CNTRL: variants seen among roughly 807,000 people sequenced by gnomAD.
CNTRL encodes centriolin.
Under a neutral mutation model 303.7 loss-of-function variants are expected in CNTRL, and 233 were observed. The ratio of observed to expected loss-of-function variants is 0.77; its 90% CI spans 0.69 to 0.86. CNTRL has a LOEUF of 0.86. CNTRL is among the 40% of genes least tolerant of loss of function. The probability of loss-of-function intolerance (pLI) is 0.00; values close to 1 mark genes in which losing one functional copy is unlikely to be tolerated. For synonymous variants in CNTRL, 900 were observed against 922.2 expected (o/e 0.98, Z 0.44); for missense variants, 2,524 against 2,650.6 (o/e 0.95, Z 1.05).
At position 121,090,546 on chromosome 9, in the gene CNTRL, A is replaced by G. The variant is rs2048522483; in HGVS notation, c.348+141A>G. The G allele has an allele frequency of 6.7e-6, 5 of 749,468 alleles. No individual in the cohort carries two copies. The South Asian group carries it at 1.0e-4, about 15-fold the overall frequency. The allele number at this position is 749,468 out of a possible 1,614,324, so 46.4% of individuals were successfully genotyped here. A position where few individuals can be genotyped will look rare whatever the true frequency, so the allele number is the denominator to read the frequency against. On this transcript the variant is annotated intron_variant, in intron 4 of 43. Transcript: ENST00000373855. ...CCAGTGAATGTTCTAAATCAGAAGTATATGACATTTCCAAATTAATAAGTT... is the reference window on the plus strand; with the variant it reads ...CCAGTGAATGTTCTAAATCAGAAGTGTATGACATTTCCAAATTAATAAGTT...
At position 121,092,446 on chromosome 9, in the gene CNTRL, A is replaced by AGATAATATATATCTATATAT. The variant is rs71370626; in HGVS notation, c.348+2041_348+2042insGATAATATATATCTATATAT. Among the ~76,000 whole-genome samples, 109 of 111,646 alleles carry AGATAATATATATCTATATAT rather than the reference A, an allele frequency of 9.8e-4. 27 individuals are homozygous for AGATAATATATATCTATATAT. The highest frequency in any genetic ancestry group is 1.4e-3 in the Non-Finnish European group (75 of 53,200). The allele number at this position is 111,646 out of a possible 152,430, so 73.2% of individuals were successfully genotyped here. On this transcript the variant is annotated intron_variant, in intron 4 of 43. Coordinates refer to ENST00000373855, the MANE Select transcript of CNTRL (RefSeq NM_007018.6). ...GTGAGATATAGATAGATAGATAGAT[A>AGATAATATATATCTATATAT]ATATATATCTATATATATATAATAT...
intron 5 of CNTRL, among the ~76,000 whole-genome samples, chr9:121,095,978 A>T (rs1226467158): frequency 6.6e-6 from 1 of 152,230 alleles, no homozygotes; most frequent in East Asian, 1.9e-4. Flanking sequence ...AGTATCATCT[A>T]TGGGCTCCCA....
chr9:121,117,465 C>T (rs533190975), intron 11 of CNTRL, among the ~76,000 whole-genome samples: 22 of 152,218 alleles, frequency 1.4e-4, no homozygotes, highest in African/African-American at 5.3e-4. Context: ...ACTTCTATGT[C>T]AATACTCAAT....
At chr9:121,145,977 C>A in intron 22 of CNTRL, 131 bp from the exon 23 acceptor site, 3 of 743,246 alleles carry the variant, frequency 4.0e-6, no homozygotes, top group Non-Finnish European at 6.3e-6. Flanking sequence ...TTTTGACTTA[C>A]CAAAGGGCAG....
At chr9:121,126,061 TTTTTC>T in intron 14 of CNTRL, 125 bp downstream of exon 14, 1 of 720,514 alleles carries the variant, frequency 1.4e-6, no homozygotes, top group South Asian at 1.9e-5. Flanking sequence ...TATGGTGATT[TTTTTC>T]TTTTAACAGT....
At chr9:121,133,107 T>A (rs1160149125) in intron 14 of CNTRL, among the ~76,000 whole-genome samples, 3 of 152,212 alleles carry the variant, frequency 2.0e-5, no homozygotes, top group African/African-American at 4.8e-5. Context: ...GGGACCCACT[T>A]GAGGAGGCAG....
At chr9:121,105,909 A>G (rs2049445091) in intron 7 of CNTRL, among the ~76,000 whole-genome samples, 1 of 152,142 alleles carries the variant, frequency 6.6e-6, no homozygotes, top group African/African-American at 2.4e-5. Flanking sequence ...TACTTAATAA[A>G]TCATTTTTTT....
chr9:121,105,949 T>A (rs2049447417), intron 7 of CNTRL, among the ~76,000 whole-genome samples: 1 of 152,054 alleles, frequency 6.6e-6, no homozygotes, highest in Non-Finnish European at 1.5e-5. Context: ...ACTGAAAAAT[T>A]CACCAGTGGC....
chr9:121,104,428 G>A (rs1261361336), intron 7 of CNTRL, among the ~76,000 whole-genome samples: 1 of 152,176 alleles, frequency 6.6e-6, no homozygotes, highest in African/African-American at 2.4e-5. Flanking sequence ...TAATGTAAAT[G>A]ACGAGTTAAT....
chr9:121,150,656 C>T (rs2052179227), intron 25 of CNTRL, 173 bp downstream of exon 25: 2 of 653,880 alleles, frequency 3.1e-6, no homozygotes, highest in Admixed American at 2.9e-5. Flanking sequence ...CTTATAAAAG[C>T]AGTGGCATGT....
chr9:121,081,616 C>T (rs565807288), intron 2 of CNTRL, among the ~76,000 whole-genome samples: 4 of 152,236 alleles, frequency 2.6e-5, no homozygotes, highest in African/African-American at 9.6e-5. Context: ...ATACTACTTA[C>T]ATTTTCCCAT....
intron 22 of CNTRL, 115 bp downstream of exon 22, chr9:121,145,500 C>A: frequency 3.8e-6 from 4 of 1,046,448 alleles, no homozygotes; most frequent in South Asian, 1.8e-5. Flanking sequence ...ATTCAGAGAG[C>A]TGTGGTAATT....
At chr9:121,170,385 C>T (rs1408273346) in intron 39 of CNTRL, among the ~76,000 whole-genome samples, 4 of 152,144 alleles carry the variant, frequency 2.6e-5, no homozygotes, top group Non-Finnish European at 5.9e-5. Context: ...CTCAGGTGAT[C>T]CACCTGCCTC....
intron 31 of CNTRL, among the ~76,000 whole-genome samples, chr9:121,159,415 C>T (rs911576031): frequency 5.3e-5 from 8 of 152,086 alleles, no homozygotes; most frequent in South Asian, 4.1e-4. Context: ...AGGCAGATCA[C>T]GAGGTTAAGA....
chr9:121,149,296 T>C (rs937245471), intron 24 of CNTRL, among the ~76,000 whole-genome samples: 12 of 152,260 alleles, frequency 7.9e-5, no homozygotes, highest in Admixed American at 7.2e-4. Context: ...TTTTCACTTA[T>C]TAGCTGTGTG....
At chr9:121,143,785 G>C in intron 19 of CNTRL, 118 bp from the exon 20 acceptor site, 1 of 666,794 alleles carries the variant, frequency 1.5e-6, no homozygotes, top group South Asian at 2.4e-5. Flanking sequence ...AGTACCTCCT[G>C]TGTATCAAGT....
chr9:121,115,193 T>C lies in CNTRL; in HGVS notation c.1448T>C (p.Leu483Pro), dbSNP rs1248373147. 1 of 1,554,508 alleles carries C rather than the reference T, an allele frequency of 6.4e-7. No homozygotes were observed. The highest frequency in any genetic ancestry group is 8.8e-7 in the Non-Finnish European group (1 of 1,132,988). Reference protein sequence around the residue: ...EFKQLEEAIQLKKISEAGKDL... With the variant: ...EFKQLEEAIQPKKISEAGKDL... ...AAACAACTGGAAGAAGCTATACAAC[T>C]AAAAAAGGTATGTAAAAGCAAAGCA... The change falls in exon 11 of 44, where the codon CTA becomes CCA. Residue 483 changes from leucine (L) to proline (P), a missense_variant. Transcript: ENST00000373855.
chr9:121,077,852 A>G (rs750063203), intron 1 of CNTRL, among the ~76,000 whole-genome samples: 1 of 151,864 alleles, frequency 6.6e-6, no homozygotes, highest in Non-Finnish European at 1.5e-5. Context: ...AGGCTGAGGT[A>G]GGAGGATCAC....
intron 8 of CNTRL, among the ~76,000 whole-genome samples, chr9:121,109,174 T>A (rs1176517457): frequency 6.6e-6 from 1 of 152,150 alleles, no homozygotes; most frequent in African/African-American, 2.4e-5. Context: ...GCTAGATTAC[T>A]TATAATACCT....
Sources: allele counts gnomAD v4.1 joint callset (sites outside exome capture counted in the v4.1 genomes callset), GRCh38; gene constraint gnomAD v4.1.1; transcripts MANE v1.5; gene names NCBI Gene and HGNC (gene_info 2026-07-23, HGNC 2026-07-21).